Variants in CSMD2 observed in about 807,000 individuals in gnomAD.
CSMD2 encodes CUB and Sushi multiple domains 2.
In CSMD2, 130 loss-of-function variants were observed where a neutral mutation model predicts 398.5. That is an observed-to-expected ratio of 0.33 (90% CI 0.28 to 0.38). CSMD2 has a LOEUF of 0.38. Ranked by LOEUF, CSMD2 falls within the 10% of genes least tolerant of loss-of-function variation. The pLI, the probability that CSMD2 is intolerant of heterozygous loss-of-function variation, is 1.00. For synonymous variants in CSMD2, 1,828 were observed against 1,908.5 expected, an observed-to-expected ratio of 0.96 and a Z score of 1.10; for missense variants, 3,829 against 4,764.9, an observed-to-expected ratio of 0.80 and a Z score of 5.78.
chr1:33,998,806 C>T (rs1177383070), intron 3 of CSMD2, among the ~76,000 whole-genome samples: 2 of 152,292 alleles, frequency 1.3e-5, no homozygotes, highest in East Asian at 3.9e-4. Flanking sequence ...GGGTTCTTCC[C>T]TGAGCAGGGC....
intron 39 of CSMD2, among the ~76,000 whole-genome samples, chr1:33,615,507 C>T (rs1307293845): frequency 1.3e-5 from 2 of 152,140 alleles, no homozygotes; most frequent in East Asian, 3.9e-4. Context: ...TGTCACAATC[C>T]CACCTTCACT....
At chr1:33,967,133 G>C (rs1430705500) in intron 3 of CSMD2, among the ~76,000 whole-genome samples, 1 of 152,162 alleles carries the variant, frequency 6.6e-6, no homozygotes, top group Non-Finnish European at 1.5e-5. Flanking sequence ...AGGTAGAGGA[G>C]AGTATATTTT....
At chr1:34,153,086 G>A (rs1386319481) in intron 1 of CSMD2, among the ~76,000 whole-genome samples, 2 of 152,060 alleles carry the variant, frequency 1.3e-5, no homozygotes, top group Non-Finnish European at 1.5e-5. Flanking sequence ...GCGCGATCTC[G>A]GCTCACTGCA....
chr1:33,587,009 G>T, intron 45 of CSMD2, 79 bp downstream of exon 45: 1 of 1,121,096 alleles, frequency 8.9e-7, no homozygotes, highest in Non-Finnish European at 1.3e-6. Flanking sequence ...AGGTCCACTG[G>T]CCCGACAGCT....
At chr1:33,726,372 C>G (rs77713334) in intron 16 of CSMD2, among the ~76,000 whole-genome samples, 175 bp downstream of exon 16, 3,814 of 152,276 alleles carry the variant, frequency 0.025, 107 homozygotes, top group East Asian at 0.13. Flanking sequence ...CAAACCAAGC[C>G]CAAGGGCAGA....
At chr1:33,856,812 C>A (rs1336907885) in intron 5 of CSMD2, among the ~76,000 whole-genome samples, 3 of 151,988 alleles carry the variant, frequency 2.0e-5, no homozygotes, top group Non-Finnish European at 4.4e-5. Context: ...GAGTTCTAAT[C>A]CTGCCTTCAT....
chr1:33,903,492 G>A (rs148727184), intron 5 of CSMD2, among the ~76,000 whole-genome samples: 248 of 152,290 alleles, frequency 1.6e-3, no homozygotes, highest in African/African-American at 5.5e-3. Flanking sequence ...ATTTGCAAAT[G>A]TCCCCCAGGA....
In CSMD2 at chr1:33,624,946, G is replaced by T; in HGVS notation, c.5500+105C>A. 3 of 1,187,336 alleles carry T rather than the reference G, an allele frequency of 2.5e-6. No homozygotes were observed. Among genetic ancestry groups the T allele is most frequent in the Non-Finnish European group, 3.7e-6 (3 of 813,386 alleles). The allele number at this position is 1,187,336 out of a possible 1,614,324, so 73.6% of individuals were successfully genotyped here. ...CACCTCAGCCATGCGGTGGGAAGCGGCTGCTGTGTGTCGTGGGGCATCACT... is the reference window on the plus strand; with the variant it reads ...CACCTCAGCCATGCGGTGGGAAGCGTCTGCTGTGTGTCGTGGGGCATCACT... On this transcript the variant is annotated intron_variant, in intron 34 of 70. Coordinates refer to ENST00000373381, the MANE Select transcript of CSMD2 (RefSeq NM_001281956.2). This position sits in a 1 kb window ranked among gnomAD's most constrained non-coding sequence, Gnocchi z 4.7.
At chr1:33,567,214 T>G (rs1330404477) in intron 53 of CSMD2, among the ~76,000 whole-genome samples, 3 of 151,976 alleles carry the variant, frequency 2.0e-5, no homozygotes, top group Non-Finnish European at 4.4e-5. Flanking sequence ...ACATTTATTA[T>G]TAGACTCTAT....
intron 6 of CSMD2, among the ~76,000 whole-genome samples, chr1:33,837,749 A>C (rs1052924078): frequency 6.6e-6 from 1 of 152,266 alleles, no homozygotes; most frequent in Admixed American, 6.5e-5. Context: ...ATGTGAACAA[A>C]GTCAGGACTC....
At position 33,636,657 on chromosome 1, in the gene CSMD2, A is replaced by G. The variant is rs886572388; in HGVS notation, c.4775-103T>C. 2.2e-5 allele frequency: 20 copies of G among 892,260 alleles called. No individual in the cohort carries two copies. Among genetic ancestry groups the G allele is most frequent in the Non-Finnish European group, 3.5e-5 (20 of 565,632 alleles). 55.3% of individuals were successfully genotyped at this position (892,260 alleles called of 1,614,324 possible). ...GAGGAGAACCCGACTTTAATTAGCC[A>G]CAGAGCACACGGGGATGCGTGACTG... On this transcript the variant is annotated intron_variant, in intron 29 of 70. Transcript: ENST00000373381. The surrounding 1 kb of genome is among the most constrained non-coding windows in gnomAD (Gnocchi z 4.8).
intron 2 of CSMD2, among the ~76,000 whole-genome samples, chr1:34,044,058 C>T (rs896611490): frequency 2.0e-5 from 3 of 152,174 alleles, no homozygotes; most frequent in Non-Finnish European, 4.4e-5. Context: ...TGACTTTGCT[C>T]TGTATCCTTT....
chr1:33,691,096 AG>A (rs139444847), intron 25 of CSMD2, among the ~76,000 whole-genome samples: 1,541 of 152,350 alleles, frequency 0.01, 16 homozygotes, highest in Non-Finnish European at 0.014. Flanking sequence ...GGAAGGGCAG[AG>A]TAGAAACAAA....
At chr1:33,971,464 A>G (rs1021517557) in intron 3 of CSMD2, among the ~76,000 whole-genome samples, 6 of 152,250 alleles carry the variant, frequency 3.9e-5, no homozygotes, top group African/African-American at 1.4e-4. Context: ...TGCCTGGCTC[A>G]GGTCTTTCCC....
chr1:33,855,818 A>T (rs930778020), intron 5 of CSMD2, among the ~76,000 whole-genome samples: 2 of 151,870 alleles, frequency 1.3e-5, no homozygotes, highest in Non-Finnish European at 2.9e-5. Flanking sequence ...TTCACACTCA[A>T]CTCTACTCAA....
At chr1:33,892,255 G>A (rs1427728676) in intron 5 of CSMD2, among the ~76,000 whole-genome samples, 2 of 151,760 alleles carry the variant, frequency 1.3e-5, no homozygotes, top group Non-Finnish European at 2.9e-5. Context: ...AATTTCATAT[G>A]GGGGGATATT....
intron 11 of CSMD2, among the ~76,000 whole-genome samples, chr1:33,791,826 A>C (rs1654354498): frequency 6.6e-6 from 1 of 152,166 alleles, no homozygotes; most frequent in South Asian, 2.1e-4. Flanking sequence ...GGTGGTGGGC[A>C]AAAGAGAAGC....
intron 15 of CSMD2, among the ~76,000 whole-genome samples, chr1:33,729,822 G>C (rs1022189136): frequency 6.6e-6 from 1 of 152,180 alleles, no homozygotes; most frequent in South Asian, 2.1e-4. Context: ...ACATGAGGCC[G>C]TGAGAAACCA....
chr1:33,589,270 C>T (rs1402307190), intron 44 of CSMD2, among the ~76,000 whole-genome samples: 1 of 152,136 alleles, frequency 6.6e-6, no homozygotes, highest in African/African-American at 2.4e-5. Context: ...AGTGACTGTT[C>T]CTCCAGCACT....
Sources: allele counts gnomAD v4.1 joint callset (sites outside exome capture counted in the v4.1 genomes callset), GRCh38; gene constraint gnomAD v4.1.1; non-coding constraint Gnocchi (gnomAD v3.1); transcripts MANE v1.5; gene names NCBI Gene and HGNC (gene_info 2026-07-23, HGNC 2026-07-21).